B4GALT5: variants seen among roughly 807,000 people sequenced by gnomAD.
The protein encoded by B4GALT5 is UDP-Gal:beta-GlcNAc beta-1,4-galactosyltransferase 5.
Under a neutral mutation model 45.0 loss-of-function variants are expected in B4GALT5, and 11 were observed. That is an observed-to-expected ratio of 0.24 (90% CI 0.15 to 0.40). B4GALT5 has a LOEUF of 0.40. B4GALT5 is among the 10% of genes least tolerant of loss of function. The pLI is 1.00. For missense variants in B4GALT5, 337 were observed against 500.2 expected, an observed-to-expected ratio of 0.67 and a Z score of 3.11; for synonymous variants, 185 against 182.9, an observed-to-expected ratio of 1.01 and a Z score of -0.09.
intron 1 of B4GALT5, among the ~76,000 whole-genome samples, chr20:49,702,531 A>T (rs775424535): frequency 5.3e-5 from 8 of 152,214 alleles, no homozygotes; most frequent in Non-Finnish European, 1.0e-4. Flanking sequence ...TGTATCTGAT[A>T]AAGGTTTAAT....
chr20:49,647,507 C>G (rs187747481), intron 2 of B4GALT5, among the ~76,000 whole-genome samples: 194 of 152,252 alleles, frequency 1.3e-3, no homozygotes, highest in African/African-American at 4.4e-3. Context: ...CTACCGACCT[C>G]CCACTTATCC....
At chr20:49,647,838 G>A (rs934551651) in intron 2 of B4GALT5, among the ~76,000 whole-genome samples, 1 of 151,556 alleles carries the variant, frequency 6.6e-6, no homozygotes, top group African/African-American at 2.4e-5. Flanking sequence ...AATGTGCTTG[G>A]GGGGAGGTAT....
chr20:49,687,373 C>T (rs945208160), intron 1 of B4GALT5, among the ~76,000 whole-genome samples: 4 of 152,130 alleles, frequency 2.6e-5, no homozygotes, highest in African/African-American at 2.4e-5. Context: ...ATGCTGGGCG[C>T]GGTGGCTCAT....
chr20:49,683,492 C>T (rs1252869829), intron 1 of B4GALT5, among the ~76,000 whole-genome samples: 1 of 146,110 alleles, frequency 6.8e-6, no homozygotes, highest in Non-Finnish European at 1.5e-5. Context: ...CTCCTGGGTT[C>T]AAGCGATTCT....
At position 49,646,965 on chromosome 20, in the gene B4GALT5, T is replaced by C. The variant is rs754069619; in HGVS notation, c.364A>G (p.Lys122Glu). 6 of 1,600,406 alleles carry C rather than the reference T, an allele frequency of 3.7e-6. No individual in the cohort carries two copies. In the Admixed American group the frequency reaches 1.0e-4, roughly 27 times the overall value. Residue 122 changes from lysine to glutamate, a missense_variant and splice_region_variant, in exon 3 of 9, where the codon AAG becomes GAG. Transcript: ENST00000371711. ...HTCPERLPSM[K>E]GPIDINMSEI... The stretch of plus-strand genomic sequence containing the variant: ...GAAGACAGGCCAGAGCTGTACTCAC[T>C]CATGGAAGGGAGTCTTTCAGGGCAG...
intron 1 of B4GALT5, among the ~76,000 whole-genome samples, chr20:49,681,866 T>C (rs1243028435): frequency 6.6e-6 from 1 of 152,018 alleles, no homozygotes; most frequent in Non-Finnish European, 1.5e-5. Flanking sequence ...AAGGCTGAGG[T>C]GGGTGAAGGG....
intron 1 of B4GALT5, among the ~76,000 whole-genome samples, chr20:49,709,647 T>C (rs1027219428): frequency 1.6e-4 from 25 of 151,864 alleles, no homozygotes; most frequent in African/African-American, 5.8e-4. Flanking sequence ...CAAGCGCCTA[T>C]AATCCCAGCT....
chr20:49,668,272 A>G (rs562716037), intron 1 of B4GALT5, among the ~76,000 whole-genome samples: 1 of 152,264 alleles, frequency 6.6e-6, no homozygotes, highest in Admixed American at 6.5e-5. Flanking sequence ...GAAGTACCCT[A>G]TAAACATTTC....
At chr20:49,713,447 A>G in intron 1 of B4GALT5, 129 bp downstream of exon 1, 1 of 870,242 alleles carries the variant, frequency 1.1e-6, no homozygotes, top group East Asian at 3.4e-5. Flanking sequence ...CCGGGCCAGG[A>G]CTCCGGAGTC....
In B4GALT5 at chr20:49,643,429, G is replaced by A. The variant is rs1485237123; in HGVS notation, c.489+97C>T. 3.4e-6 allele frequency: 5 copies of A among 1,479,518 alleles called. No homozygotes were observed. In the East Asian group the frequency reaches 7.0e-5, roughly 21 times the overall value. 91.6% of individuals were successfully genotyped at this position (1,479,518 alleles called of 1,614,324 possible). A position where few individuals can be genotyped will look rare whatever the true frequency, so the allele number is the denominator to read the frequency against. Reference sequence around the variant, plus strand: ...TTGCATGGAATGGTAGGATGAAAATGACAAAATGTCATGGTTAGCTAATCC... The same window carrying A: ...TTGCATGGAATGGTAGGATGAAAATAACAAAATGTCATGGTTAGCTAATCC... On this transcript the variant is annotated intron_variant, in intron 4 of 8. Coordinates refer to ENST00000371711, the MANE Select transcript of B4GALT5 (RefSeq NM_004776.4).
chr20:49,695,883 T>G (rs962816945), intron 1 of B4GALT5, among the ~76,000 whole-genome samples: 1 of 152,236 alleles, frequency 6.6e-6, no homozygotes, highest in Admixed American at 6.5e-5. Flanking sequence ...TCTAATCATT[T>G]CCAACAACTC....
intron 2 of B4GALT5, 137 bp downstream of exon 2, chr20:49,656,431 T>G: frequency 9.0e-7 from 1 of 1,115,302 alleles, no homozygotes. Flanking sequence ...GCAAGAGCTT[T>G]TTTAGCAGTA....
At chr20:49,693,840 T>C (rs1215858283) in intron 1 of B4GALT5, among the ~76,000 whole-genome samples, 3 of 152,130 alleles carry the variant, frequency 2.0e-5, no homozygotes, top group Non-Finnish European at 4.4e-5. Context: ...GAACAACTCT[T>C]TGCATAAGGG....
chr20:49,703,128 G>T (rs6012717), intron 1 of B4GALT5, among the ~76,000 whole-genome samples: 71,674 of 145,480 alleles, frequency 0.49, 18,056 homozygotes, highest in South Asian at 0.65. Context: ...GAGACCAGAT[G>T]GCGCCACTGC....
intron 1 of B4GALT5, among the ~76,000 whole-genome samples, chr20:49,673,333 T>TCGTGCC (rs2085723823): frequency 6.6e-6 from 1 of 151,520 alleles, no homozygotes; most frequent in Non-Finnish European, 1.5e-5. Context: ...CAAGCCGAGA[T>TCGTGCC]CGTGCCACTG....
intron 1 of B4GALT5, among the ~76,000 whole-genome samples, chr20:49,661,692 T>C (rs186548157): frequency 6.6e-6 from 1 of 152,350 alleles, no homozygotes; most frequent in Non-Finnish European, 1.5e-5. Flanking sequence ...CTGTGTGCTT[T>C]TCAGGCACCG....
chr20:49,686,878 G>A (rs1237945625), intron 1 of B4GALT5, among the ~76,000 whole-genome samples: 1 of 151,484 alleles, frequency 6.6e-6, no homozygotes, highest in Non-Finnish European at 1.5e-5. Context: ...CAGCCTGGGT[G>A]ACACAGCGAG....
intron 2 of B4GALT5, among the ~76,000 whole-genome samples, chr20:49,654,802 G>A (rs60504792): frequency 0.09 from 13,687 of 152,084 alleles, 685 homozygotes; most frequent in Admixed American, 0.14. Flanking sequence ...GGGCTTAGAC[G>A]AAATCATTAA....
intron 1 of B4GALT5, among the ~76,000 whole-genome samples, chr20:49,677,290 G>A (rs2085742073): frequency 6.6e-6 from 1 of 152,000 alleles, no homozygotes; most frequent in Non-Finnish European, 1.5e-5. Flanking sequence ...CAGAAACTAA[G>A]CCTAACAAGG....
Sources: gnomAD v4.1 joint callset for allele counts (sites outside exome capture counted in the v4.1 genomes callset) on GRCh38, gnomAD v4.1.1 for gene constraint, MANE v1.5 for transcripts, NCBI Gene and HGNC (gene_info 2026-07-23, HGNC 2026-07-21) for gene names.